Variants in CRYBG3 observed in about 807,000 individuals in gnomAD.
CRYBG3 encodes the protein very large A-kinase anchor protein.
A neutral mutation model predicts 244.2 loss-of-function variants in CRYBG3; 127 were observed. That is an observed-to-expected ratio of 0.52 (90% CI 0.45 to 0.60). CRYBG3 has a LOEUF of 0.60. CRYBG3 is among the 20% of genes least tolerant of loss of function. The pLI, the probability that CRYBG3 is intolerant of heterozygous loss-of-function variation, is 0.00. For missense variants in CRYBG3, 3,325 were observed against 3,442.5 expected (o/e 0.97, Z 0.85); for synonymous variants, 1,132 against 1,195.8 (o/e 0.95, Z 1.10).
At chr3:97,897,722 A>G (rs1371779251) in intron 12 of CRYBG3, among the ~76,000 whole-genome samples, 4 of 152,206 alleles carry the variant, frequency 2.6e-5, no homozygotes, top group African/African-American at 7.2e-5. Flanking sequence ...ACTATTGTAA[A>G]TAATGCATTT....
At position 97,876,785 on chromosome 3, in the gene CRYBG3, C is replaced by T; in HGVS notation, c.5591C>T (p.Pro1864Leu). ...GENIGKHKVL[P>L]AVVDIEKIHG... ...AATATTGGGAAACACAAAGTGTTAC[C>T]CGCAGTGGTAGACATTGAGAAAATA... Residue 1864 changes from proline to leucine, a missense_variant, in exon 4 of 22, where the codon CCC (proline) becomes CTC (leucine). Coordinates refer to ENST00000389622, the MANE Select transcript of CRYBG3 (RefSeq NM_153605.4). 1 of 1,278,194 alleles carries T rather than the reference C, an allele frequency of 7.8e-7. No individual in the cohort carries two copies. Among genetic ancestry groups the T allele is most frequent in the Non-Finnish European group, 9.8e-7 (1 of 1,015,510 alleles). 79.2% of individuals were successfully genotyped at this position (1,278,194 alleles called of 1,614,324 possible).
chr3:97,876,561 A>C lies in CRYBG3; in HGVS notation c.5367A>C (p.Arg1789=), dbSNP rs1247615985. ...GSVLKMEATY[R]KTAEEVIKNT... is the part of the protein sequence containing the mutation. The stretch of plus-strand genomic sequence containing the variant: ...TGTTGAAAATGGAAGCTACTTACCG[A>C]AAGACTGCTGAAGAGGTCATTAAGA... Residue 1789 remains arginine (R), a synonymous_variant, in exon 4 of 22, where the codon CGA becomes CGC. Coordinates refer to ENST00000389622, the MANE Select transcript of CRYBG3 (RefSeq NM_153605.4). 2 of 1,232,282 alleles carry C rather than the reference A, an allele frequency of 1.6e-6. No individual in the cohort carries two copies. Among genetic ancestry groups the C allele is most frequent in the African/African-American group, 1.5e-5 (1 of 64,528 alleles). The allele number at this position is 1,232,282 out of a possible 1,614,324, so 76.3% of individuals were successfully genotyped here. A position where few individuals can be genotyped will look rare whatever the true frequency, so the allele number is the denominator to read the frequency against.
chr3:97,871,772 A>G, intron 3 of CRYBG3, 70 bp from the exon 4 acceptor site: 1 of 1,115,704 alleles, frequency 9.0e-7, no homozygotes, highest in Non-Finnish European at 1.2e-6. Flanking sequence ...TACTTTTACC[A>G]CAGTTGCTGG....
intron 19 of CRYBG3, among the ~76,000 whole-genome samples, chr3:97,939,353 G>A (rs1180864163): frequency 6.6e-6 from 1 of 151,970 alleles, no homozygotes; most frequent in Non-Finnish European, 1.5e-5. Flanking sequence ...GGAATTCTGA[G>A]TTTCTAAAAT....
In CRYBG3 at chr3:97,880,107, A is replaced by C. The variant is rs750243404; in HGVS notation, c.7004+7A>C. ...TAAAAGTTGTAAGGGGCTGGTAAGA[A>C]GTTTCTTAAAATTTTATAGCATATT... is the stretch of plus-strand genomic sequence containing the variant. On this transcript the variant is annotated splice_region_variant and intron_variant, in intron 6 of 21. Transcript: ENST00000389622. 1.4e-6 allele frequency: 2 copies of C among 1,411,538 alleles called. No homozygotes were observed. Among genetic ancestry groups the C allele is most frequent in the African/African-American group, 1.4e-5 (1 of 69,388 alleles). The allele number at this position is 1,411,538 out of a possible 1,614,324, so 87.4% of individuals were successfully genotyped here. A position where few individuals can be genotyped will look rare whatever the true frequency, so the allele number is the denominator to read the frequency against.
At chr3:97,902,733 T>A (rs574306932) in intron 15 of CRYBG3, among the ~76,000 whole-genome samples, 1 of 152,158 alleles carries the variant, frequency 6.6e-6, no homozygotes, top group Non-Finnish European at 1.5e-5. Flanking sequence ...GAGAAGATTT[T>A]TTTTTCCTGA....
rs1029149682 is a variant in CRYBG3 at position 97,872,287 on chromosome 3, C to T, written c.1093C>T (p.His365Tyr). ...CGATGGAGAATCTGACTCACAGCAC[C>T]ATTTAAGTTGTGAACCGGTTTCTCA... is the stretch of plus-strand genomic sequence containing the variant. ...SYDGESDSQH[H>Y]LSCEPVSQTN... Residue 365 changes from histidine (H) to tyrosine (Y), a missense_variant, in exon 4 of 22, where the codon CAT (histidine) becomes TAT (tyrosine). Around this residue, in one of 4 missense-constraint regions of CRYBG3, gnomAD observed 1,526 missense variants for 1,443.2 expected, o/e 1.06. Transcript: ENST00000389622. 5 of 1,535,722 alleles carry T rather than the reference C, an allele frequency of 3.3e-6. No individual in the cohort carries two copies. The Admixed American group carries it at 7.8e-5, about 24-fold the overall frequency.
Position 97,864,221 on chromosome 3 carries a change from G to C in CRYBG3, c.221G>C (p.Arg74Pro). Residue 74 changes from arginine (R) to proline (P), a missense_variant, in exon 3 of 22, where the codon CGC becomes CCC. This residue lies in a region of CRYBG3 where 1,526 missense variants were observed against 1,443.2 expected (regional missense o/e 1.06). Transcript: ENST00000389622. Reference protein sequence around the residue: ...NVLSSEAVKIRQSEDKRNHAE... With the variant: ...NVLSSEAVKIPQSEDKRNHAE... Reference sequence around the variant, plus strand: ...TTGTCTATTTTGTTTTCAAAGATTCGCCAAAGTGAGGACAAAAGGAACCAT... The same window carrying C: ...TTGTCTATTTTGTTTTCAAAGATTCCCCAAAGTGAGGACAAAAGGAACCAT... The C allele has an allele frequency of 6.7e-7, 1 of 1,483,122 alleles. No individual in the cohort carries two copies. The highest frequency in any genetic ancestry group is 8.9e-7 in the Non-Finnish European group (1 of 1,126,568). The allele number at this position is 1,483,122 out of a possible 1,614,324, so 91.9% of individuals were successfully genotyped here. A position where few individuals can be genotyped will look rare whatever the true frequency, so the allele number is the denominator to read the frequency against.
Position 97,875,024 on chromosome 3 carries a change from C to T in CRYBG3, c.3830C>T (p.Pro1277Leu), listed in dbSNP as rs1008050895. ...AACATGTCAGAAGTCAAAGAGAAGC[C>T]CTGTGTTTCACCAACAGTTGGTGAG... ...MENMSEVKEK[P>L]CVSPTVGEKN... The change falls in exon 4 of 22, where the codon CCC becomes CTC. Residue 1277 changes from proline to leucine, a missense_variant. This residue lies in a region of CRYBG3 where 635 missense variants were observed against 771.7 expected (regional missense o/e 0.82). Coordinates refer to ENST00000389622, the MANE Select transcript of CRYBG3 (RefSeq NM_153605.4). The T allele has an allele frequency of 9.1e-6, 14 of 1,535,406 alleles. 2 individuals carry two copies. Among genetic ancestry groups the T allele is most frequent in the Middle Eastern group, 3.3e-4 (2 of 6,004 alleles).
chr3:97,889,558 A>G (rs752843280), intron 10 of CRYBG3, among the ~76,000 whole-genome samples, 168 bp downstream of exon 10: 17 of 152,298 alleles, frequency 1.1e-4, no homozygotes, highest in Non-Finnish European at 2.1e-4. Flanking sequence ...ATGAGGGCCC[A>G]ACCCTATGGC....
intron 11 of CRYBG3, 35 bp downstream of exon 11, chr3:97,893,028 T>G: frequency 6.4e-7 from 1 of 1,573,924 alleles, no homozygotes; most frequent in Non-Finnish European, 8.6e-7. Flanking sequence ...GCACAAGTAG[T>G]CTGTTTTTGA....
intron 1 of CRYBG3, among the ~76,000 whole-genome samples, chr3:97,828,458 T>C (rs1161203234): frequency 6.6e-6 from 1 of 151,474 alleles, no homozygotes; most frequent in Admixed American, 6.6e-5. Flanking sequence ...TGAAATATGA[T>C]GTATCTACCA....
chr3:97,912,149 GTGT>G lies in CRYBG3; in HGVS notation c.8005-10_8005-8del, dbSNP rs774313355. On this transcript the variant is annotated splice_polypyrimidine_tract_variant and intron_variant, in intron 15 of 21. Coordinates refer to ENST00000389622, the MANE Select transcript of CRYBG3 (RefSeq NM_153605.4). The stretch of plus-strand genomic sequence containing the variant: ...ACCATTTTTTTTCTATTTAACTGTT[GTGT>G]TGTTGTTCTTGTAGCTCAAAGCATT... The G allele has an allele frequency of 2.2e-6, 3 of 1,385,810 alleles. No individual in the cohort carries two copies. The highest frequency in any genetic ancestry group is 4.7e-5 in the East Asian group (2 of 42,214). 85.8% of individuals were successfully genotyped at this position (1,385,810 alleles called of 1,614,324 possible).
chr3:97,850,089 A>G (rs1018318986), intron 2 of CRYBG3, among the ~76,000 whole-genome samples: 13 of 152,124 alleles, frequency 8.5e-5, no homozygotes, highest in Admixed American at 6.5e-4. Flanking sequence ...GACATACTCA[A>G]AGTTGAACTC....
intron 3 of CRYBG3, among the ~76,000 whole-genome samples, chr3:97,870,534 A>G (rs1262867019): frequency 1.3e-5 from 2 of 152,076 alleles, no homozygotes; most frequent in African/African-American, 4.8e-5. Context: ...TATCCAATCT[A>G]CCATTGATGG....
At chr3:97,868,299 A>AT (rs879503331) in intron 3 of CRYBG3, among the ~76,000 whole-genome samples, 33 of 151,778 alleles carry the variant, frequency 2.2e-4, no homozygotes, top group Middle Eastern at 3.2e-3. Flanking sequence ...AAAAAAAAAA[A>AT]ATATTATTGA....
chr3:97,824,526 A>G (rs1234223813), intron 1 of CRYBG3, among the ~76,000 whole-genome samples: 1 of 152,242 alleles, frequency 6.6e-6, no homozygotes, highest in Non-Finnish European at 1.5e-5. Flanking sequence ...GGGAGCTGCC[A>G]TGCCTTGATA....
Position 97,864,422 on chromosome 3 carries a change from A to G in CRYBG3, c.422A>G (p.Lys141Arg). 6.5e-7 allele frequency: 1 copy of G among 1,535,920 alleles called. No homozygotes were observed. Among genetic ancestry groups the G allele is most frequent in the East Asian group, 2.4e-5 (1 of 40,906 alleles). Residue 141 changes from lysine to arginine, a missense_variant, in exon 3 of 22, where the codon AAG (lysine) becomes AGG (arginine). Coordinates refer to ENST00000389622, the MANE Select transcript of CRYBG3 (RefSeq NM_153605.4). ...GGGAAATCATCTCTAGGTGAAGCTA[A>G]GCAGTCTTCTTTCAAAGATGACCAG... Reference protein sequence around the residue: ...ISGKSSLGEAKQSSFKDDQDK... With the variant: ...ISGKSSLGEARQSSFKDDQDK...
rs1191877410 is a variant in CRYBG3 at position 97,875,161 on chromosome 3, G to T, written c.3967G>T (p.Asp1323Tyr). 2 of 1,535,070 alleles carry T rather than the reference G, an allele frequency of 1.3e-6. No homozygotes were observed. Among genetic ancestry groups the T allele is most frequent in the East Asian group, 2.4e-5 (1 of 40,902 alleles). ...TGTAGCCCAAGAAAAATTGAGAAAT[G>T]ATACTTTTGAAGATACTGAGGATAC... ...IYVAQEKLRN[D>Y]TFEDTEDTWD... The change falls in exon 4 of 22, where the codon GAT becomes TAT. Residue 1323 changes from aspartate (D) to tyrosine (Y), a missense_variant. By Grantham distance (160) the Asp-to-Tyr change is radical. Transcript: ENST00000389622.
Sources: gnomAD v4.1 joint callset for allele counts (sites outside exome capture counted in the v4.1 genomes callset) on GRCh38, gnomAD v4.1.1 for gene constraint, gnomAD v4.1.1 regional missense constraint, MANE v1.5 for transcripts, NCBI Gene and HGNC (gene_info 2026-07-23, HGNC 2026-07-21) for gene names.